Variants in TDRD12 observed in about 807,000 individuals in gnomAD.
TDRD12 encodes putative ATP-dependent RNA helicase TDRD12.
Under a neutral mutation model 133.5 loss-of-function variants are expected in TDRD12, and 158 were observed. The observed-to-expected ratio is 1.18, with a 90% CI of 1.04 to 1.35. The LOEUF is 1.35. Among genes scored for constraint, TDRD12 ranks in the 40% most tolerant of loss-of-function variants. The pLI, the probability that TDRD12 is intolerant of heterozygous loss-of-function variation, is 0.00. For missense variants in TDRD12, 1,443 were observed against 1,321.3 expected, an observed-to-expected ratio of 1.09 and a Z score of -1.43; for synonymous variants, 460 against 477.9, an observed-to-expected ratio of 0.96 and a Z score of 0.49.
At chr19:32,781,898 C>CT (rs1970777951) in intron 11 of TDRD12, among the ~76,000 whole-genome samples, 1 of 151,986 alleles carries the variant, frequency 6.6e-6, no homozygotes, top group Non-Finnish European at 1.5e-5. Context: ...TCTCTGTCTT[C>CT]TTTTAAGAAC....
chr19:32,753,812 C>A (rs889099612), intron 6 of TDRD12, among the ~76,000 whole-genome samples: 2 of 151,790 alleles, frequency 1.3e-5, no homozygotes, highest in Non-Finnish European at 2.9e-5. Context: ...CCACCACGCC[C>A]GGCTGGCCCC....
downstream of TDRD12, among the ~76,000 whole-genome samples, chr19:32,822,475 C>T (rs530573687): frequency 6.6e-5 from 10 of 151,948 alleles, no homozygotes; most frequent in African/African-American, 1.7e-4. Context: ...GGGCTGGGTG[C>T]GGTGTCTCAC....
At chr19:32,733,697 C>G (rs1190357622) in intron 2 of TDRD12, among the ~76,000 whole-genome samples, 1 of 151,982 alleles carries the variant, frequency 6.6e-6, no homozygotes, top group Non-Finnish European at 1.5e-5. Context: ...GATGGCTTCT[C>G]CATTCAGTGA....
chr19:32,773,640 G>GT (rs1970499479), intron 10 of TDRD12, 108 bp downstream of exon 10: 1 of 867,048 alleles, frequency 1.2e-6, no homozygotes, highest in African/African-American at 1.7e-5. Context: ...CGAGGCTTCA[G>GT]TGAGCTATGA....
intron 4 of TDRD12, among the ~76,000 whole-genome samples, chr19:32,745,644 T>C (rs549328907): frequency 7.1e-6 from 1 of 141,164 alleles, no homozygotes; most frequent in South Asian, 2.5e-4. Context: ...AGAGAGAGAA[T>C]GGCTGATGTG....
intron 14 of TDRD12, among the ~76,000 whole-genome samples, chr19:32,795,263 G>A (rs796751752): frequency 2.0e-5 from 3 of 151,664 alleles, no homozygotes; most frequent in African/African-American, 7.3e-5. Flanking sequence ...AACCTGGGAG[G>A]CGAAGGTTGC....
At chr19:32,826,144 A>T, downstream of TDRD12, 1 of 1,535,896 alleles carries the variant, frequency 6.5e-7, no homozygotes. Context: ...GCAGAACTGC[A>T]CAGCCGCCTC....
intron 2 of TDRD12, among the ~76,000 whole-genome samples, chr19:32,736,910 G>A (rs1275520000): frequency 6.6e-6 from 1 of 152,070 alleles, no homozygotes; most frequent in Non-Finnish European, 1.5e-5. Context: ...CTTACGATGA[G>A]GTTATGTCCT....
intron 6 of TDRD12, 124 bp downstream of exon 6, chr19:32,749,993 G>T: frequency 1.4e-6 from 1 of 694,244 alleles, no homozygotes; most frequent in Non-Finnish European, 2.3e-6. Context: ...AATCTCTTAA[G>T]GTCTATCTTA....
At chr19:32,809,442 C>A (rs1393739650) in intron 22 of TDRD12, among the ~76,000 whole-genome samples, 1 of 152,200 alleles carries the variant, frequency 6.6e-6, no homozygotes. Context: ...GTCGCCAGCC[C>A]GGTCCTCTCC....
intron 10 of TDRD12, among the ~76,000 whole-genome samples, chr19:32,775,229 C>T (rs1261931319): frequency 2.0e-5 from 3 of 152,154 alleles, no homozygotes; most frequent in Non-Finnish European, 4.4e-5. Context: ...TTCAATCTTG[C>T]TATTCTGCAG....
chr19:32,791,105 C>A (rs1429484628), intron 13 of TDRD12, 37 bp downstream of exon 13: 2 of 1,512,140 alleles, frequency 1.3e-6, no homozygotes, highest in Non-Finnish European at 1.8e-6. Flanking sequence ...ATCAAGAATG[C>A]CAACTTTTTC....
intron 22 of TDRD12, 51 bp from the exon 23 acceptor site, chr19:32,810,042 C>A: frequency 1.6e-6 from 2 of 1,212,972 alleles, no homozygotes; most frequent in Non-Finnish European, 2.2e-6. Context: ...GTGTACATAT[C>A]CGGTTTAGAC....
chr19:32,777,635 A>G (rs1445105634), intron 11 of TDRD12, among the ~76,000 whole-genome samples: 3 of 151,364 alleles, frequency 2.0e-5, no homozygotes, highest in Non-Finnish European at 4.4e-5. Flanking sequence ...TGTAATCTGT[A>G]AAATATTTAC....
intron 8 of TDRD12, among the ~76,000 whole-genome samples, chr19:32,766,423 T>C (rs185614374): frequency 5.4e-4 from 82 of 152,350 alleles, no homozygotes; most frequent in African/African-American, 1.9e-3. Context: ...CACCCTGTTG[T>C]GCTATCACGT....
chr19:32,732,445 CAG>C (rs1969087701), intron 2 of TDRD12, among the ~76,000 whole-genome samples: 1 of 152,202 alleles, frequency 6.6e-6, no homozygotes, highest in Non-Finnish European at 1.5e-5. Context: ...GGCTGGGAAC[CAG>C]GGGGTTATTT....
chr19:32,755,877 TTCTGTAAA>T, intron 6 of TDRD12, 107 bp from the exon 7 acceptor site: 1 of 754,808 alleles, frequency 1.3e-6, no homozygotes, highest in Non-Finnish European at 2.0e-6. Context: ...TCAGATTATG[TTCTGTAAA>T]ATAATTTCTC....
At chr19:32,749,726 A>T in intron 5 of TDRD12, 58 bp from the exon 6 acceptor site, 1 of 1,327,574 alleles carries the variant, frequency 7.5e-7, no homozygotes, top group Non-Finnish European at 1.1e-6. Flanking sequence ...AATCGTCATG[A>T]TTGTTTCAAA....
chr19:32,780,597 A>G (rs1361069404), intron 11 of TDRD12, among the ~76,000 whole-genome samples: 2 of 151,576 alleles, frequency 1.3e-5, no homozygotes, highest in East Asian at 3.9e-4. Context: ...TTGAAATCAC[A>G]CCCACACGTC....
Sources: gnomAD v4.1 joint callset for allele counts (sites outside exome capture counted in the v4.1 genomes callset) on GRCh38, gnomAD v4.1.1 for gene constraint, MANE v1.5 for transcripts, NCBI Gene and HGNC (gene_info 2026-07-23, HGNC 2026-07-21) for gene names.